VPS13A: variants seen among roughly 807,000 people sequenced by gnomAD.
The protein encoded by VPS13A is intermembrane lipid transfer protein VPS13A.
In VPS13A, 264 loss-of-function variants were observed where a neutral mutation model predicts 390.9. That is an observed-to-expected ratio of 0.68 (90% CI 0.61 to 0.75). The LOEUF (loss-of-function observed/expected upper bound fraction) is 0.75, where lower values mean the gene tolerates loss of function less well. VPS13A is among the 30% of genes least tolerant of loss of function. The pLI, the probability that VPS13A is intolerant of heterozygous loss-of-function variation, is 0.00. For missense variants in VPS13A, 3,409 were observed against 3,733.9 expected (o/e 0.91, Z 2.27); for synonymous variants, 1,231 against 1,227.1 (o/e 1.00, Z -0.07).
intron 23 of VPS13A, among the ~76,000 whole-genome samples, chr9:77,267,547 C>T (rs907576048): frequency 1.3e-5 from 2 of 152,194 alleles, no homozygotes; most frequent in Non-Finnish European, 2.9e-5. Flanking sequence ...AAGCTTCGTC[C>T]CAGAGGGGCA....
intron 21 of VPS13A, 59 bp from the exon 22 acceptor site, chr9:77,252,176 G>GT: frequency 7.4e-7 from 1 of 1,343,282 alleles, no homozygotes; most frequent in Middle Eastern, 1.8e-4. Flanking sequence ...AGTATTAATA[G>GT]TTATTTTAGG....
At position 77,214,206 on chromosome 9, in the gene VPS13A, A is replaced by G. The variant is rs1475004699; in HGVS notation, c.697-123A>G. On this transcript the variant is annotated intron_variant, in intron 9 of 71. Coordinates refer to ENST00000360280, the MANE Select transcript of VPS13A (RefSeq NM_033305.3). ...CAGGAGAATCGCATGAGTCCATGAGACAGGGGTTGCAGTGAGCTGAGATTG... is the reference window on the plus strand; with the variant it reads ...CAGGAGAATCGCATGAGTCCATGAGGCAGGGGTTGCAGTGAGCTGAGATTG... 7 of 794,018 alleles carry G rather than the reference A, an allele frequency of 8.8e-6. No individual in the cohort carries two copies. The African/African-American group carries it at 1.0e-4, about 12-fold the overall frequency. The allele number at this position is 794,018 out of a possible 1,614,324, so 49.2% of individuals were successfully genotyped here.
chr9:77,369,553 T>A, intron 63 of VPS13A, 141 bp downstream of exon 63: 1 of 703,678 alleles, frequency 1.4e-6, no homozygotes, highest in South Asian at 1.6e-5. Context: ...CAGCAAACAA[T>A]GGTAAGAGGT....
chr9:77,356,085 A>G (rs72618116), intron 54 of VPS13A, among the ~76,000 whole-genome samples: 30,264 of 152,088 alleles, frequency 0.2, 3,824 homozygotes, highest in East Asian at 0.4. Context: ...GTGGTCTACA[A>G]TGCTTTACAT....
chr9:77,228,000 C>G, intron 16 of VPS13A, 122 bp from the exon 17 acceptor site: 1 of 745,178 alleles, frequency 1.3e-6, no homozygotes, highest in Non-Finnish European at 1.9e-6. Context: ...TGTGATGATT[C>G]TTGAAGAAAT....
chr9:77,370,836 C>A, intron 65 of VPS13A, 54 bp from the exon 66 acceptor site: 2 of 1,608,670 alleles, frequency 1.2e-6, no homozygotes, highest in Non-Finnish European at 1.7e-6. Context: ...AAACTTGGTT[C>A]TTCTAGGCAT....
chr9:77,370,324 G>A lies in VPS13A; in HGVS notation c.8735G>A (p.Gly2912Glu). 1 of 1,614,168 alleles carries A rather than the reference G, an allele frequency of 6.2e-7. No homozygotes were observed. Among genetic ancestry groups the A allele is most frequent in the Middle Eastern group, 1.6e-4 (1 of 6,062 alleles). ...CTAGGACTTAAGGCACTAGTTGGTG[G>A]AGCTGTTGGTAAGAAACAGAATATC... is the stretch of plus-strand genomic sequence containing the variant. ...MALGLKALVG[G>E]AVGGLAGAAS... The change falls in exon 64 of 72, where the codon GGA (glycine) becomes GAA (glutamate). Residue 2912 changes from glycine (G) to glutamate (E), a missense_variant. Around this residue, in one of 5 missense-constraint regions of VPS13A, gnomAD observed 318 missense variants for 333.7 expected, o/e 0.95. Coordinates refer to ENST00000360280, the MANE Select transcript of VPS13A (RefSeq NM_033305.3).
At chr9:77,307,531 C>A (rs1828827263) in intron 34 of VPS13A, among the ~76,000 whole-genome samples, 1 of 152,084 alleles carries the variant, frequency 6.6e-6, no homozygotes, top group African/African-American at 2.4e-5. Flanking sequence ...TAAAATAGTT[C>A]ATGTAAAACA....
At chr9:77,327,624 G>A (rs1241614783) in intron 45 of VPS13A, among the ~76,000 whole-genome samples, 1 of 150,866 alleles carries the variant, frequency 6.6e-6, no homozygotes, top group Non-Finnish European at 1.5e-5. Context: ...AGTATTTGGA[G>A]GTTTTCTGAT....
chr9:77,312,041 G>A (rs1003338037), intron 35 of VPS13A, among the ~76,000 whole-genome samples: 19 of 152,164 alleles, frequency 1.2e-4, no homozygotes, highest in Admixed American at 6.5e-4. Flanking sequence ...TGTAGAGTAA[G>A]ATATTAGAAA....
chr9:77,226,032 A>G (rs1244451146), intron 14 of VPS13A, 44 bp downstream of exon 14: 5 of 1,520,718 alleles, frequency 3.3e-6, no homozygotes, highest in East Asian at 2.3e-5. Flanking sequence ...TCTGAATTCC[A>G]TATAGATATG....
intron 17 of VPS13A, among the ~76,000 whole-genome samples, chr9:77,230,731 T>G (rs950509947): frequency 6.6e-6 from 1 of 152,112 alleles, no homozygotes; most frequent in African/African-American, 2.4e-5. Flanking sequence ...AATTTTAAGA[T>G]TATGTTGTCC....
At chr9:77,248,300 C>T (rs983312346) in intron 20 of VPS13A, among the ~76,000 whole-genome samples, 2 of 151,458 alleles carry the variant, frequency 1.3e-5, no homozygotes, top group African/African-American at 2.4e-5. Flanking sequence ...ACTGCAAGCT[C>T]CGCCTCCTGG....
At chr9:77,308,994 C>T (rs1057503233) in intron 35 of VPS13A, among the ~76,000 whole-genome samples, 6 of 151,924 alleles carry the variant, frequency 3.9e-5, no homozygotes, top group South Asian at 2.1e-4. Context: ...TTGTAAAAAC[C>T]CCAAGCATGA....
chr9:77,355,388 C>G (rs1458705878), intron 54 of VPS13A, among the ~76,000 whole-genome samples: 1 of 152,164 alleles, frequency 6.6e-6, no homozygotes, highest in Non-Finnish European at 1.5e-5. Context: ...GGTTTTTCTT[C>G]CTATCCAGTC....
chr9:77,294,711 T>TA (rs1013437957), intron 32 of VPS13A, among the ~76,000 whole-genome samples: 4 of 151,986 alleles, frequency 2.6e-5, no homozygotes, highest in Non-Finnish European at 5.9e-5. Context: ...TCTTCTCTTT[T>TA]AAAAAAAATT....
At position 77,210,635 on chromosome 9, in the gene VPS13A, C is replaced by A; in HGVS notation, c.515C>A (p.Pro172Gln). The change falls in exon 7 of 72, where the codon CCG becomes CAG. Residue 172 changes from proline to glutamine, a missense_variant. Coordinates refer to ENST00000360280, the MANE Select transcript of VPS13A (RefSeq NM_033305.3). ...CTTTAGATCACAAATCGGGACAAAC[C>A]GCTGTCATTTGGTATTTCCCTTCAA... is the stretch of plus-strand genomic sequence containing the variant. ...YEDDITNRDK[P>Q]LSFGISLQNL... 2 of 1,613,736 alleles carry A rather than the reference C, an allele frequency of 1.2e-6. No homozygotes were observed. The highest frequency in any genetic ancestry group is 1.7e-6 in the Non-Finnish European group (2 of 1,179,950).
chr9:77,264,282 T>C (rs1056882183), intron 23 of VPS13A, among the ~76,000 whole-genome samples: 1 of 152,214 alleles, frequency 6.6e-6, no homozygotes, highest in African/African-American at 2.4e-5. Context: ...ATACGGGCTC[T>C]TTTTTGGTTC....
intron 35 of VPS13A, among the ~76,000 whole-genome samples, chr9:77,313,001 T>C (rs765640658): frequency 5.9e-5 from 9 of 152,256 alleles, no homozygotes; most frequent in Middle Eastern, 6.8e-3. Flanking sequence ...AGCAGACTTA[T>C]TTATAGTAGC....
Sources: gnomAD v4.1 joint callset for allele counts (sites outside exome capture counted in the v4.1 genomes callset) on GRCh38, gnomAD v4.1.1 for gene constraint, gnomAD v4.1.1 regional missense constraint, MANE v1.5 for transcripts, NCBI Gene and HGNC (gene_info 2026-07-23, HGNC 2026-07-21) for gene names.